Variants in SLFN12L observed in about 807,000 individuals in gnomAD.
The protein encoded by SLFN12L is schlafen family member 12 like.
Under a neutral mutation model 34.8 loss-of-function variants are expected in SLFN12L, and 34 were observed. That is an observed-to-expected ratio of 0.98 (90% CI 0.74 to 1.30). The LOEUF (loss-of-function observed/expected upper bound fraction) is 1.30. Among genes scored for constraint, SLFN12L ranks in the 50% most tolerant of loss-of-function variants. SLFN12L has a pLI of 0.00. For synonymous variants in SLFN12L, 259 were observed against 247.5 expected (o/e 1.05, Z -0.44); for missense variants, 703 against 696.2 (o/e 1.01, Z -0.11).
chr17:35,496,257 G>A (rs745618617), intron 2 of SLFN12L, among the ~76,000 whole-genome samples: 52 of 152,044 alleles, frequency 3.4e-4, no homozygotes, highest in Non-Finnish European at 6.0e-4. Context: ...GCCGAAATGG[G>A]CGAATCTTAT....
intron 2 of SLFN12L, among the ~76,000 whole-genome samples, chr17:35,493,974 G>A (rs1037915679): frequency 2.0e-5 from 3 of 151,948 alleles, no homozygotes; most frequent in Non-Finnish European, 4.4e-5. Context: ...CAAAGCTTAA[G>A]CTTTCGGGAA....
intron 2 of SLFN12L, chr17:35,510,039 C>G (rs1597867349): frequency 6.6e-6 from 1 of 152,112 alleles, no homozygotes; most frequent in African/African-American, 2.4e-5. Flanking sequence ...AACTCACATA[C>G]CTATAGAAGC....
intron 1 of SLFN12L, 28 bp from the exon 2 acceptor site, chr17:35,522,997 G>C (rs1916044081): frequency 8.7e-6 from 4 of 461,790 alleles, no homozygotes. Flanking sequence ...GAGAAATTAG[G>C]GGAAGGAGAA....
rs755245062 is a variant in SLFN12L, at chr17:35,475,095, T to C, written c.1667A>G (p.Asn556Ser). ...EGKTSCQYDL[N>S]SQVIYPESYY... ...GGATTCAGGGTAAATTACTTGCGAG[T>C]TTAAATCATACTGGCAGCTTGTCTT... The change falls in exon 5 of 5, where the codon AAC becomes AGC. Residue 556 changes from asparagine (N) to serine (S), a missense_variant. Asn to Ser is a conservative substitution (Grantham distance 46). Transcript: ENST00000628453. The C allele has an allele frequency of 7.4e-6, 12 of 1,613,898 alleles. No individual in the cohort carries two copies. The highest frequency in any genetic ancestry group is 1.7e-5 in the Admixed American group (1 of 59,980).
In SLFN12L at chr17:35,466,779, T is replaced by C. The variant is rs1386554250; in HGVS notation, c.*8144A>G. On this transcript the variant is annotated 3_prime_UTR_variant, in exon 5 of 5. Coordinates refer to ENST00000628453, the MANE Select transcript of SLFN12L (RefSeq NM_001363830.2). ...AAGAGACTTTAACAAGCTCTACTCA[T>C]GCCTCCTAAAGTCTAGACCACCTGT... Among the ~76,000 whole-genome samples, 1 of 152,214 alleles carries C rather than the reference T, an allele frequency of 6.6e-6. No individual in the cohort carries two copies. Among genetic ancestry groups the C allele is most frequent in the Admixed American group, 6.5e-5 (1 of 15,278 alleles).
chr17:35,498,598 T>C, intron 2 of SLFN12L: 1 of 1,600,664 alleles, frequency 6.2e-7, no homozygotes, highest in Non-Finnish European at 8.6e-7. Context: ...GGAATGTTTC[T>C]GCAGAAAGCT....
At position 35,475,133 on chromosome 17, in the gene SLFN12L, C is replaced by T. The variant is rs958680956; in HGVS notation, c.1629G>A (p.Leu543=). ...KVCVMTKIFY[L]SPEGKTSCQY... The stretch of plus-strand genomic sequence containing the variant: ...GGCAGCTTGTCTTGCCTTCAGGGCT[C>T]AAGTAGAAGATCTTTGTCATGACAC... Residue 543 remains leucine (L), a synonymous_variant, in exon 5 of 5, where the codon TTG becomes TTA. Transcript: ENST00000628453. The T allele has an allele frequency of 1.2e-6, 2 of 1,614,066 alleles. No individual in the cohort carries two copies. The highest frequency in any genetic ancestry group is 1.7e-6 in the Non-Finnish European group (2 of 1,180,050).
chr17:35,502,586 G>A (rs934550112), intron 2 of SLFN12L, among the ~76,000 whole-genome samples: 3 of 151,104 alleles, frequency 2.0e-5, no homozygotes, highest in Admixed American at 1.3e-4. Context: ...GGTTCCTCCC[G>A]GGCAATTGAA....
Position 35,469,012 on chromosome 17 carries a change from G to A in SLFN12L, c.*5911C>T, listed in dbSNP as rs1055606551. ...GCCTCGGTGACAAGGGCAAGACCCTGTGTCTAAAAAGATAACAAAAATTAA... is the reference window on the plus strand; with the variant it reads ...GCCTCGGTGACAAGGGCAAGACCCTATGTCTAAAAAGATAACAAAAATTAA... On this transcript the variant is annotated 3_prime_UTR_variant, in exon 5 of 5. Transcript: ENST00000628453. Among the ~76,000 whole-genome samples, 1 of 151,984 alleles carries A rather than the reference G, an allele frequency of 6.6e-6. No homozygotes were observed. Among genetic ancestry groups the A allele is most frequent in the Non-Finnish European group, 1.5e-5 (1 of 68,024 alleles).
intron 2 of SLFN12L, among the ~76,000 whole-genome samples, chr17:35,515,675 T>C (rs1915804006): frequency 7.2e-6 from 1 of 138,460 alleles, no homozygotes; most frequent in African/African-American, 2.8e-5. Flanking sequence ...GGAGTTTTGC[T>C]CTTTGTTGCC....
At position 35,513,619 on chromosome 17, in the gene SLFN12L, T is replaced by C. The variant is rs114342562; in HGVS notation, c.86+8660A>G. 4.2e-3 allele frequency among the ~76,000 whole-genome samples: 646 copies of C among 152,326 alleles called. 4 individuals carry two copies. Among genetic ancestry groups the C allele is most frequent in the African/African-American group, 0.015 (608 of 41,576 alleles). The stretch of plus-strand genomic sequence containing the variant: ...AAACTGAGTCTGTGACTGCAGATAA[T>C]ATGTCACTATTTGAGAATAAGAGGT... On this transcript the variant is annotated intron_variant, in intron 2 of 4. Coordinates refer to ENST00000628453, the MANE Select transcript of SLFN12L (RefSeq NM_001363830.2).
chr17:35,514,863 G>T, intron 2 of SLFN12L: 1 of 400,400 alleles, frequency 2.5e-6, no homozygotes, highest in South Asian at 2.1e-5. Flanking sequence ...GGTAGTGGAA[G>T]AGTTTGTTGT....
chr17:35,468,843 C>G lies in SLFN12L; in HGVS notation c.*6080G>C, dbSNP rs1913755794. Reference sequence around the variant, plus strand: ...CCAGCCTGGGCAACATGGGGAGACCCCATCTCTACAAAACATATAAAAGTT... The same window carrying G: ...CCAGCCTGGGCAACATGGGGAGACCGCATCTCTACAAAACATATAAAAGTT... On this transcript the variant is annotated 3_prime_UTR_variant, in exon 5 of 5. Transcript: ENST00000628453. Among the ~76,000 whole-genome samples the G allele has an allele frequency of 6.6e-6, 1 of 152,032 alleles. No homozygotes were observed. Among genetic ancestry groups the G allele is most frequent in the Non-Finnish European group, 1.5e-5 (1 of 67,996 alleles).
At position 35,479,180 on chromosome 17, in the gene SLFN12L, CT is replaced by C; in HGVS notation, c.1101del (p.Asp368IlefsTer7). 1 of 1,577,510 alleles carries C rather than the reference CT, an allele frequency of 6.3e-7. No individual in the cohort carries two copies. The highest frequency in any genetic ancestry group is 1.8e-5 in the Admixed American group (1 of 54,516). On this transcript the variant is annotated frameshift_variant, in exon 3 of 5. Coordinates refer to ENST00000628453, the MANE Select transcript of SLFN12L (RefSeq NM_001363830.2). LOFTEE classifies it high-confidence loss of function. The part of the protein sequence containing the change: ...FAKKPDSWHV[K>X]DNRVKQLTEK... ...TCGGTCAACTGCTTAACTCTGTTAT[CT>C]TTCACGTGCCAGGAATCAGGCTTTT...
Position 35,522,883 on chromosome 17 carries a change from T to G in SLFN12L, c.-519A>C, listed in dbSNP as rs1301087432. The G allele has an allele frequency of 8.6e-6, 7 of 813,630 alleles. No individual in the cohort carries two copies. The Admixed American group carries it at 1.6e-4, about 19-fold the overall frequency. The allele number at this position is 813,630 out of a possible 1,614,324, so 50.4% of individuals were successfully genotyped here. On this transcript the variant is annotated 5_prime_UTR_variant, in exon 2 of 5. Transcript: ENST00000628453. ...CCCCAGGAGAAAGGTTGGGTTTGCTTATTTATTAACTCCTCTAATCCTTCA... is the reference window on the plus strand; with the variant it reads ...CCCCAGGAGAAAGGTTGGGTTTGCTGATTTATTAACTCCTCTAATCCTTCA...
At chr17:35,535,221 A>G (rs563313853) in intron 1 of SLFN12L, among the ~76,000 whole-genome samples, 10 of 121,380 alleles carry the variant, frequency 8.2e-5, no homozygotes, top group Non-Finnish European at 1.2e-4. Flanking sequence ...ATGGAGTTTC[A>G]CTCTTGTTGC....
At chr17:35,517,906 T>G (rs894155591) in intron 2 of SLFN12L, among the ~76,000 whole-genome samples, 1 of 152,144 alleles carries the variant, frequency 6.6e-6, no homozygotes, top group Non-Finnish European at 1.5e-5. Flanking sequence ...TCAAGATGGA[T>G]TAAAGACTTA....
chr17:35,484,975 TAGGA>T (rs1914520413), intron 2 of SLFN12L, among the ~76,000 whole-genome samples: 1 of 152,222 alleles, frequency 6.6e-6, no homozygotes, highest in Non-Finnish European at 1.5e-5. Flanking sequence ...GATGTGTTTC[TAGGA>T]ATTTGTCCAT....
chr17:35,484,033 TAAC>T (rs1442183882), intron 2 of SLFN12L, among the ~76,000 whole-genome samples: 4 of 152,308 alleles, frequency 2.6e-5, no homozygotes, highest in South Asian at 2.1e-4. Context: ...ATATAACACT[TAAC>T]AATTTACAGG....
Sources: allele counts gnomAD v4.1 joint callset (sites outside exome capture counted in the v4.1 genomes callset), GRCh38; gene constraint gnomAD v4.1.1; transcripts MANE v1.5; gene names NCBI Gene and HGNC (gene_info 2026-07-23, HGNC 2026-07-21).